Variants in SSR1 observed in about 807,000 individuals in gnomAD.
The protein encoded by SSR1 is translocon-associated protein subunit alpha.
In SSR1, 13 loss-of-function variants were observed where a neutral mutation model predicts 36.1. The ratio of observed to expected loss-of-function variants is 0.36; its 90% CI spans 0.23 to 0.57. The LOEUF (loss-of-function observed/expected upper bound fraction) is 0.57. Ranked by LOEUF, SSR1 falls within the 20% of genes least tolerant of loss-of-function variation. SSR1 has a pLI of 0.81. For synonymous variants in SSR1, 113 were observed against 118.9 expected (o/e 0.95, Z 0.32); for missense variants, 291 against 338.5 (o/e 0.86, Z 1.10).
rs1024957990 is a variant in SSR1 at position 7,285,313 on chromosome 6, T to G, written c.*4551A>C. ...AGGATTATCCTTTCTACAGGCATACTGAATTTTCTTTTTAATGCCTCACTG... is the reference window on the plus strand; with the variant it reads ...AGGATTATCCTTTCTACAGGCATACGGAATTTTCTTTTTAATGCCTCACTG... On this transcript the variant is annotated 3_prime_UTR_variant, in exon 8 of 8. Transcript: ENST00000244763. The surrounding 1 kb of genome is among the most constrained non-coding windows in gnomAD (Gnocchi z 4.1). The G allele has an allele frequency of 6.6e-6, 1 of 152,228 alleles. No individual in the cohort carries two copies. Among genetic ancestry groups the G allele is most frequent in the Non-Finnish European group, 1.5e-5 (1 of 68,038 alleles). 9.4% of individuals were successfully genotyped at this position (152,228 alleles called of 1,614,324 possible). A position where few individuals can be genotyped will look rare whatever the true frequency, so the allele number is the denominator to read the frequency against.
chr6:7,312,966 C>A, intron 1 of SSR1, 76 bp downstream of exon 1: 4 of 1,463,138 alleles, frequency 2.7e-6, no homozygotes, highest in Non-Finnish European at 3.7e-6. Flanking sequence ...GGAGCGGCCA[C>A]CGCCTCCAAC....
At chr6:7,313,017 C>T (rs553629890) in intron 1 of SSR1, 25 bp downstream of exon 1, 1 of 1,581,578 alleles carries the variant, frequency 6.3e-7, no homozygotes. Flanking sequence ...CTGGCCATCC[C>T]CTCCGCACAC....
In SSR1 at chr6:7,283,793, A is replaced by G. The variant is rs1757484465; in HGVS notation, c.*6071T>C. On this transcript the variant is annotated 3_prime_UTR_variant, in exon 8 of 8. Coordinates refer to ENST00000244763, the MANE Select transcript of SSR1 (RefSeq NM_003144.5). ...ATCCTAAGTGTTGAAGCTAGAACCC[A>G]GGTGAGTGCACTCTGCATTACTGAG... 1 of 152,286 alleles carries G rather than the reference A, an allele frequency of 6.6e-6. No individual in the cohort carries two copies. The highest frequency in any genetic ancestry group is 1.5e-5 in the Non-Finnish European group (1 of 68,080). 9.4% of individuals were successfully genotyped at this position (152,286 alleles called of 1,614,324 possible). A position where few individuals can be genotyped will look rare whatever the true frequency, so the allele number is the denominator to read the frequency against.
At position 7,284,790 on chromosome 6, in the gene SSR1, G is replaced by GT. The variant is rs896940745; in HGVS notation, c.*5073dup. On this transcript the variant is annotated 3_prime_UTR_variant, in exon 8 of 8. Transcript: ENST00000244763. ...ATCATTTATAGTAACACTGAATTAA[G>GT]TAAGGGTTTGTAGGTCACAGAATCA... 6.6e-6 allele frequency: 1 copy of GT among 151,636 alleles called. No individual in the cohort carries two copies. The highest frequency in any genetic ancestry group is 2.4e-5 in the African/African-American group (1 of 41,234). 9.4% of individuals were successfully genotyped at this position (151,636 alleles called of 1,614,324 possible).
intron 2 of SSR1, among the ~76,000 whole-genome samples, chr6:7,306,622 C>T (rs1044167584): frequency 1.1e-4 from 17 of 151,908 alleles, no homozygotes; most frequent in Non-Finnish European, 2.1e-4. Flanking sequence ...GTTAGAAAAG[C>T]CCAAGGTGAC....
chr6:7,301,252 A>T (rs912892604), intron 4 of SSR1, 58 bp downstream of exon 4: 1 of 1,568,152 alleles, frequency 6.4e-7, no homozygotes, highest in African/African-American at 1.4e-5. Context: ...CTATTAAACA[A>T]CGTCACCGCC....
intron 3 of SSR1, among the ~76,000 whole-genome samples, chr6:7,302,464 T>C (rs1398206025): frequency 2.0e-5 from 3 of 152,182 alleles, no homozygotes; most frequent in African/African-American, 7.2e-5. Context: ...ATTATTTTCT[T>C]TTAATAAAAC....
chr6:7,306,694 A>G lies in SSR1; in HGVS notation c.193-3057T>C, dbSNP rs934471995. Among the ~76,000 whole-genome samples, 4 of 151,310 alleles carry G rather than the reference A, an allele frequency of 2.6e-5. No homozygotes were observed. The East Asian group carries it at 8.1e-4, about 30-fold the overall frequency. ...CACTTCGGGAGGCCGAGGCGGGCGG[A>G]TCACGAGGTCAGGAGATCGAGACCA... On this transcript the variant is annotated intron_variant, in intron 2 of 7. Transcript: ENST00000244763.
rs879729112 is a variant in SSR1, at chr6:7,287,901, G to A, written c.*1963C>T. On this transcript the variant is annotated 3_prime_UTR_variant, in exon 8 of 8. Coordinates refer to ENST00000244763, the MANE Select transcript of SSR1 (RefSeq NM_003144.5). ...ACCCCTGGCATCTGAGGATTTAAGA[G>A]TTCAACTGTTCTCAATCTATGCTAA... is the stretch of plus-strand genomic sequence containing the variant. The A allele has an allele frequency of 1.3e-5, 2 of 152,126 alleles. No homozygotes were observed. Among genetic ancestry groups the A allele is most frequent in the Non-Finnish European group, 2.9e-5 (2 of 67,972 alleles). 9.4% of individuals were successfully genotyped at this position (152,126 alleles called of 1,614,324 possible). A position where few individuals can be genotyped will look rare whatever the true frequency, so the allele number is the denominator to read the frequency against.
Position 7,289,081 on chromosome 6 carries a change from G to A in SSR1, c.*783C>T, listed in dbSNP as rs1325348046. On this transcript the variant is annotated 3_prime_UTR_variant, in exon 8 of 8. Transcript: ENST00000244763. Reference sequence around the variant, plus strand: ...AACCTACACACAACTGAGTGAGTAGGTCTAAAATCACTCCAGAGCTACCTC... The same window carrying A: ...AACCTACACACAACTGAGTGAGTAGATCTAAAATCACTCCAGAGCTACCTC... 2 of 152,206 alleles carry A rather than the reference G, an allele frequency of 1.3e-5. No homozygotes were observed. Among genetic ancestry groups the A allele is most frequent in the South Asian group, 2.1e-4 (1 of 4,824 alleles). 9.4% of individuals were successfully genotyped at this position (152,206 alleles called of 1,614,324 possible). A position where few individuals can be genotyped will look rare whatever the true frequency, so the allele number is the denominator to read the frequency against.
At chr6:7,295,086 A>G (rs1366374117) in intron 7 of SSR1, 8 of 1,516,202 alleles carry the variant, frequency 5.3e-6, no homozygotes, top group Non-Finnish European at 7.0e-6. Context: ...TAAATGCCTC[A>G]CCTCTTCTAC....
Position 7,288,656 on chromosome 6 carries a change from T to C in SSR1, c.*1208A>G, listed in dbSNP as rs1010752996. 2.6e-5 allele frequency: 4 copies of C among 152,592 alleles called. No homozygotes were observed. The highest frequency in any genetic ancestry group is 9.7e-5 in the African/African-American group (4 of 41,442). 9.5% of individuals were successfully genotyped at this position (152,592 alleles called of 1,614,324 possible). ...TAAAGACAAGAGGGGGAGAGCCTCT[T>C]AATTGTTCATACTATTTTACTTCAC... On this transcript the variant is annotated 3_prime_UTR_variant, in exon 8 of 8. Coordinates refer to ENST00000244763, the MANE Select transcript of SSR1 (RefSeq NM_003144.5).
intron 2 of SSR1, among the ~76,000 whole-genome samples, chr6:7,305,193 C>A (rs1758029060): frequency 6.6e-6 from 1 of 152,114 alleles, no homozygotes; most frequent in Non-Finnish European, 1.5e-5. Flanking sequence ...AGTAACAAGA[C>A]AACAGCTTGA....
intron 7 of SSR1, chr6:7,295,064 C>T: frequency 6.7e-7 from 1 of 1,493,448 alleles, no homozygotes; most frequent in Non-Finnish European, 8.8e-7. Flanking sequence ...TAGCAAAAAC[C>T]ATTAAAAAAA....
At position 7,289,623 on chromosome 6, in the gene SSR1, C is replaced by T. The variant is rs1757634555; in HGVS notation, c.*241G>A. 2.0e-6 allele frequency: 1 copy of T among 503,982 alleles called. No homozygotes were observed. The highest frequency in any genetic ancestry group is 3.4e-6 in the Non-Finnish European group (1 of 291,216). 31.2% of individuals were successfully genotyped at this position (503,982 alleles called of 1,614,324 possible). On this transcript the variant is annotated 3_prime_UTR_variant, in exon 8 of 8. Coordinates refer to ENST00000244763, the MANE Select transcript of SSR1 (RefSeq NM_003144.5). ...TGATTCTGGTAAGACCAACTGCTCACATACATACACACGCACACACATAGA... is the reference window on the plus strand; with the variant it reads ...TGATTCTGGTAAGACCAACTGCTCATATACATACACACGCACACACATAGA...
At chr6:7,310,173 CGAA>C in intron 1 of SSR1, 144 bp from the exon 2 acceptor site, 1 of 603,080 alleles carries the variant, frequency 1.7e-6, no homozygotes, top group Admixed American at 3.0e-5. Flanking sequence ...TACAATGCAC[CGAA>C]GAATATTTAT....
rs535152544 is a variant in SSR1, at chr6:7,299,813, A to C, written c.544-990T>G. On this transcript the variant is annotated intron_variant, in intron 4 of 7. Transcript: ENST00000244763. The stretch of plus-strand genomic sequence containing the variant: ...AATAATTTTATCAGTTCACAATTTC[A>C]GTTTTCAAATGCATTAGACTCACTG... 2.6e-5 allele frequency among the ~76,000 whole-genome samples: 4 copies of C among 152,310 alleles called. No individual in the cohort carries two copies. In the South Asian group the frequency reaches 8.3e-4, roughly 32 times the overall value.
At chr6:7,293,506 A>G (rs2495202) in intron 7 of SSR1, among the ~76,000 whole-genome samples, 111,949 of 150,804 alleles carry the variant, frequency 0.74, 41,960 homozygotes, top group African/African-American at 0.82. Context: ...TGGCACCATC[A>G]TGGAGCAATC....
rs144701774 is a variant in SSR1 at position 7,287,703 on chromosome 6, G to A, written c.*2161C>T. Reference sequence around the variant, plus strand: ...GATGAATTCTGAAAACATAGTTGGTGTAGCAAATGAATATATCAAAACAAA... The same window carrying A: ...GATGAATTCTGAAAACATAGTTGGTATAGCAAATGAATATATCAAAACAAA... On this transcript the variant is annotated 3_prime_UTR_variant, in exon 8 of 8. Coordinates refer to ENST00000244763, the MANE Select transcript of SSR1 (RefSeq NM_003144.5). 69 of 152,708 alleles carry A rather than the reference G, an allele frequency of 4.5e-4. No individual in the cohort carries two copies. Among genetic ancestry groups the A allele is most frequent in the African/African-American group, 1.6e-3 (67 of 41,568 alleles). 9.5% of individuals were successfully genotyped at this position (152,708 alleles called of 1,614,324 possible).
Sources: gnomAD v4.1 joint callset for allele counts (sites outside exome capture counted in the v4.1 genomes callset) on GRCh38, gnomAD v4.1.1 for gene constraint, Gnocchi (gnomAD v3.1) non-coding constraint, MANE v1.5 for transcripts, NCBI Gene and HGNC (gene_info 2026-07-23, HGNC 2026-07-21) for gene names.